Variants in PTPRT observed in about 807,000 individuals in gnomAD.
The protein encoded by PTPRT is receptor-type tyrosine-protein phosphatase T.
PTPRT carries 56 observed loss-of-function variants against 176.8 expected under a neutral mutation model. The ratio of observed to expected loss-of-function variants is 0.32; its 90% confidence interval spans 0.26 to 0.40. The LOEUF is 0.40. PTPRT is among the 10% of genes least tolerant of loss of function. The pLI is 1.00. For synonymous variants in PTPRT, 783 were observed against 739.0 expected, an observed-to-expected ratio of 1.06 and a Z score of -0.96; for missense variants, 1,540 against 1,908.2, an observed-to-expected ratio of 0.81 and a Z score of 3.60.
intron 13 of PTPRT, among the ~76,000 whole-genome samples, chr20:42,257,449 A>G (rs1234522523): frequency 3.9e-5 from 6 of 152,064 alleles, no homozygotes; most frequent in Non-Finnish European, 7.4e-5. Flanking sequence ...CTGCCCTATC[A>G]CTATGGTTTG....
intron 7 of PTPRT, among the ~76,000 whole-genome samples, chr20:42,499,527 C>T (rs1043998464): frequency 3.3e-5 from 5 of 151,994 alleles, no homozygotes; most frequent in Non-Finnish European, 5.9e-5. Flanking sequence ...CCTGACCTTG[C>T]GATCCAGCTG....
At chr20:42,086,364 A>AG (rs1228342881) in intron 27 of PTPRT, among the ~76,000 whole-genome samples, 1 of 152,168 alleles carries the variant, frequency 6.6e-6, no homozygotes, top group Non-Finnish European at 1.5e-5. Flanking sequence ...TGAAATATCA[A>AG]GGCTTTGAGC....
chr20:43,045,545 C>T (rs1305165874), intron 1 of PTPRT, among the ~76,000 whole-genome samples: 2 of 150,790 alleles, frequency 1.3e-5, no homozygotes, highest in African/African-American at 4.9e-5. Flanking sequence ...TCTCAACCTC[C>T]TGGGCTCAAG....
At chr20:42,247,247 A>G (rs1265081281) in intron 14 of PTPRT, among the ~76,000 whole-genome samples, 1 of 152,174 alleles carries the variant, frequency 6.6e-6, no homozygotes, top group Non-Finnish European at 1.5e-5. Context: ...TCACAGTTTA[A>G]TGCCCTGGCC....
intron 1 of PTPRT, among the ~76,000 whole-genome samples, chr20:42,915,159 A>T (rs1287249172): frequency 3.9e-5 from 6 of 152,044 alleles, no homozygotes; most frequent in Non-Finnish European, 8.8e-5. Flanking sequence ...AGAGAAAATC[A>T]CTCCCCAGAT....
Position 42,780,143 on chromosome 20 carries a change from G to A in PTPRT, c.568+75C>T, listed in dbSNP as rs1333711534. On this transcript the variant is annotated intron_variant, in intron 4 of 30. Coordinates refer to ENST00000373187, the MANE Select transcript of PTPRT (RefSeq NM_007050.6). ...AGAGATGTTTGTAAGCTGAATGAAT[G>A]GAAGGGATTGCAGGCTCTATGCTAC... 6.0e-6 allele frequency: 7 copies of A among 1,167,418 alleles called. No homozygotes were observed. In the East Asian group the frequency reaches 1.6e-4, roughly 27 times the overall value. The allele number at this position is 1,167,418 out of a possible 1,614,324, so 72.3% of individuals were successfully genotyped here.
chr20:43,009,718 A>G (rs1404922865), intron 1 of PTPRT, among the ~76,000 whole-genome samples: 2 of 152,058 alleles, frequency 1.3e-5, no homozygotes, highest in Non-Finnish European at 2.9e-5. Context: ...CACCATCTTT[A>G]CCCCAGTCCA....
chr20:43,094,921 G>A (rs2012064634), intron 1 of PTPRT, among the ~76,000 whole-genome samples: 1 of 152,160 alleles, frequency 6.6e-6, no homozygotes, highest in Admixed American at 6.5e-5. Context: ...CAGGTTACCA[G>A]GGTAGATTTC....
chr20:42,233,625 G>A (rs2056179924), intron 15 of PTPRT, among the ~76,000 whole-genome samples: 1 of 152,134 alleles, frequency 6.6e-6, no homozygotes, highest in Non-Finnish European at 1.5e-5. Context: ...TCTATCACAA[G>A]TGCTTGGTGG....
chr20:42,956,654 C>T (rs118049573), intron 1 of PTPRT, among the ~76,000 whole-genome samples: 1 of 152,088 alleles, frequency 6.6e-6, no homozygotes, highest in Non-Finnish European at 1.5e-5. Context: ...GCCTAACACA[C>T]TAGAGCACCA....
At chr20:43,071,432 T>C (rs948548511) in intron 1 of PTPRT, among the ~76,000 whole-genome samples, 9 of 152,168 alleles carry the variant, frequency 5.9e-5, no homozygotes, top group African/African-American at 2.2e-4. Flanking sequence ...CAGCCTCAAT[T>C]AAACTGCATT....
intron 7 of PTPRT, among the ~76,000 whole-genome samples, chr20:42,572,142 G>A (rs1032366415): frequency 6.6e-6 from 1 of 152,102 alleles, no homozygotes; most frequent in African/African-American, 2.4e-5. Flanking sequence ...GGCAGAAGAG[G>A]CCGGGGGCTC....
rs1007750193 is a variant in PTPRT at position 42,846,645 on chromosome 20, G to C, written c.214+39162C>G. On this transcript the variant is annotated intron_variant, in intron 2 of 30. Transcript: ENST00000373187. ...ATAAAGTTTTAATTTAAGTGAATGAGTTGCAAGCCCAGCTGTCTGGGGAAT... is the reference window on the plus strand; with the variant it reads ...ATAAAGTTTTAATTTAAGTGAATGACTTGCAAGCCCAGCTGTCTGGGGAAT... 5.3e-5 allele frequency among the ~76,000 whole-genome samples: 8 copies of C among 152,188 alleles called. No homozygotes were observed. In the East Asian group the frequency reaches 1.5e-3, roughly 29 times the overall value.
chr20:42,926,514 A>G (rs954586804), intron 1 of PTPRT, among the ~76,000 whole-genome samples: 2 of 152,160 alleles, frequency 1.3e-5, no homozygotes, highest in African/African-American at 2.4e-5. Flanking sequence ...TTTAGAGGGG[A>G]CAGATATTCC....
intron 16 of PTPRT, among the ~76,000 whole-genome samples, chr20:42,188,953 T>A (rs1204947219): frequency 6.6e-6 from 1 of 152,192 alleles, no homozygotes; most frequent in Non-Finnish European, 1.5e-5. Flanking sequence ...AATAGAAAGC[T>A]GGATCTATAC....
At chr20:42,936,123 G>T (rs1032526364) in intron 1 of PTPRT, among the ~76,000 whole-genome samples, 1 of 152,170 alleles carries the variant, frequency 6.6e-6, no homozygotes, top group African/African-American at 2.4e-5. Context: ...TCTAATGGAA[G>T]GAGAAAGACC....
intron 7 of PTPRT, among the ~76,000 whole-genome samples, chr20:42,594,386 G>A (rs2073633226): frequency 6.6e-6 from 1 of 152,066 alleles, no homozygotes; most frequent in African/African-American, 2.4e-5. Flanking sequence ...TATCCTTTAT[G>A]AGTGACAATT....
Position 42,604,673 on chromosome 20 carries a change from T to C in PTPRT, c.1153+73193A>G, listed in dbSNP as rs116697366. Among the ~76,000 whole-genome samples, 347 of 152,276 alleles carry C rather than the reference T, an allele frequency of 2.3e-3. 3 individuals carry two copies. The highest frequency in any genetic ancestry group is 0.02 in the Middle Eastern group (6 of 294). ...GTGGAGATGCTTGCACCCCAAGAGCTCTGGGCCCAGCCACTCATTGGAATC... is the reference window on the plus strand; with the variant it reads ...GTGGAGATGCTTGCACCCCAAGAGCCCTGGGCCCAGCCACTCATTGGAATC... On this transcript the variant is annotated intron_variant, in intron 7 of 30. Transcript: ENST00000373187.
intron 1 of PTPRT, among the ~76,000 whole-genome samples, chr20:42,988,464 T>G (rs903020740): frequency 2.0e-5 from 3 of 152,072 alleles, no homozygotes; most frequent in Non-Finnish European, 2.9e-5. Context: ...ATGGGGGAGA[T>G]GTACCAGGCT....
Sources: gnomAD v4.1 joint callset for allele counts (sites outside exome capture counted in the v4.1 genomes callset) on GRCh38, gnomAD v4.1.1 for gene constraint, MANE v1.5 for transcripts, NCBI Gene and HGNC (gene_info 2026-07-23, HGNC 2026-07-21) for gene names.